The following ENTREP2 variants were observed in gnomAD, a reference collection of about 807,000 sequenced individuals.
ENTREP2 encodes protein ENTREP2.
At chr15:29,239,986 CTCTTT>C in the ENTREP2 span, among the ~76,000 whole-genome samples, 4 of 152,166 alleles carry the variant, frequency 2.6e-5, no homozygotes, top group African/African-American at 7.2e-5. Context: ...TCATGCTCTC[CTCTTT>C]TAATTGTCAG....
chr15:29,418,041 A>T, the ENTREP2 span, among the ~76,000 whole-genome samples: 95 of 152,306 alleles, frequency 6.2e-4, no homozygotes, highest in Non-Finnish European at 1.2e-3. Flanking sequence ...GATTGAGGTC[A>T]TTTGTTCAGA....
chr15:29,166,246 C>G, the ENTREP2 span, among the ~76,000 whole-genome samples: 16 of 152,116 alleles, frequency 1.1e-4, no homozygotes, highest in Non-Finnish European at 2.4e-4. Flanking sequence ...AAAGCGTTCC[C>G]TCTGAGAACT....
chr15:29,203,388 C>T, the ENTREP2 span, among the ~76,000 whole-genome samples: 580 of 152,222 alleles, frequency 3.8e-3, 3 homozygotes, highest in African/African-American at 0.013. Context: ...TGTGACAGAG[C>T]GAGACTCTGT....
chr15:29,341,673 C>T, the ENTREP2 span, among the ~76,000 whole-genome samples: 4 of 152,216 alleles, frequency 2.6e-5, no homozygotes, highest in East Asian at 1.9e-4. Flanking sequence ...TTGTGTCAAG[C>T]GCCGTGGAAG....
At chr15:29,650,177 TA>T in the ENTREP2 span, among the ~76,000 whole-genome samples, 2,621 of 143,040 alleles carry the variant, frequency 0.018, 55 homozygotes, top group African/African-American at 0.056. Flanking sequence ...TAACTAAACT[TA>T]AAAAAAAAAA....
chr15:29,440,126 A>C, the ENTREP2 span, among the ~76,000 whole-genome samples: 1 of 152,218 alleles, frequency 6.6e-6, no homozygotes, highest in Non-Finnish European at 1.5e-5. Context: ...GAGATTCAAG[A>C]GATATGATGA....
At chr15:29,190,406 C>A in the ENTREP2 span, among the ~76,000 whole-genome samples, 4 of 151,310 alleles carry the variant, frequency 2.6e-5, no homozygotes, top group Non-Finnish European at 5.9e-5. Flanking sequence ...TCAGGAAGGG[C>A]AGAACAGAGA....
chr15:29,426,325 G>A, the ENTREP2 span, among the ~76,000 whole-genome samples: 1 of 152,128 alleles, frequency 6.6e-6, no homozygotes. Flanking sequence ...TTATCTTCTA[G>A]CATTTGACTT....
chr15:29,296,333 T>A, the ENTREP2 span, among the ~76,000 whole-genome samples: 4 of 152,010 alleles, frequency 2.6e-5, no homozygotes, highest in East Asian at 5.8e-4. Context: ...TTCCTGAAAG[T>A]TTGGATTATA....
chr15:29,466,520 G>A, the ENTREP2 span, among the ~76,000 whole-genome samples: 1 of 148,484 alleles, frequency 6.7e-6, no homozygotes, highest in Admixed American at 6.7e-5. Context: ...AAGAGCCGAG[G>A]AGAGGACGCT....
chr15:29,439,433 A>G, the ENTREP2 span, among the ~76,000 whole-genome samples: 5 of 152,132 alleles, frequency 3.3e-5, no homozygotes, highest in Non-Finnish European at 1.5e-5. Flanking sequence ...ATTACAACCT[A>G]AAGGCCAAAA....
chr15:29,424,166 G>A, the ENTREP2 span, among the ~76,000 whole-genome samples: 1 of 152,194 alleles, frequency 6.6e-6, no homozygotes, highest in Non-Finnish European at 1.5e-5. Context: ...TAAAGGTAAT[G>A]CAAACCCAAA....
At chr15:29,407,376 A>G in the ENTREP2 span, among the ~76,000 whole-genome samples, 293 of 152,290 alleles carry the variant, frequency 1.9e-3, no homozygotes, top group Middle Eastern at 6.8e-3. Flanking sequence ...GTGGTGTACG[A>G]CTGTATATCT....
chr15:29,398,399 T>C, the ENTREP2 span, among the ~76,000 whole-genome samples: 1,789 of 152,092 alleles, frequency 0.012, 43 homozygotes, highest in African/African-American at 0.04. Flanking sequence ...AGACGTCCAA[T>C]AGAATTTGAT....
the ENTREP2 span, among the ~76,000 whole-genome samples, chr15:29,608,940 G>A: frequency 2.0e-5 from 3 of 152,010 alleles, no homozygotes; most frequent in African/African-American, 7.2e-5. Flanking sequence ...CCACCTGCTC[G>A]TCTCGAATTG....
chr15:29,337,028 G>A, the ENTREP2 span, among the ~76,000 whole-genome samples: 2 of 152,188 alleles, frequency 1.3e-5, no homozygotes, highest in African/African-American at 2.4e-5. Context: ...TAGGTCTCAG[G>A]CTGTTCATTT....
chr15:29,352,673 C>T, the ENTREP2 span, among the ~76,000 whole-genome samples: 1 of 152,194 alleles, frequency 6.6e-6, no homozygotes, highest in Admixed American at 6.5e-5. Context: ...CATCCCCACA[C>T]CCTGGCTGCC....
At chr15:29,389,078 C>G in the ENTREP2 span, among the ~76,000 whole-genome samples, 68 of 150,830 alleles carry the variant, frequency 4.5e-4, no homozygotes, top group Admixed American at 4.2e-3. Flanking sequence ...CAAACCTGCA[C>G]GTTGTGCACA....
the ENTREP2 span, among the ~76,000 whole-genome samples, chr15:29,626,251 C>A: frequency 6.6e-6 from 1 of 152,128 alleles, no homozygotes; most frequent in East Asian, 1.9e-4. Flanking sequence ...GGCTGTGTCC[C>A]CACCCAAATC....
Sources: gnomAD v4.1 joint callset for allele counts (sites outside exome capture counted in the v4.1 genomes callset) on GRCh38, gnomAD v4.1.1 for gene constraint, MANE v1.5 for transcripts, NCBI Gene and HGNC (gene_info 2026-07-23, HGNC 2026-07-21) for gene names.